The following PID1 variants were observed in gnomAD, a reference collection of about 807,000 sequenced individuals.
PID1 encodes the protein phosphotyrosine interaction domain containing 1, also known as PTB-containing, cubilin and LRP1-interacting protein.
PID1 carries 10 observed loss-of-function variants against 19.1 expected under a neutral mutation model. The ratio of observed to expected loss-of-function variants is 0.52; its 90% CI spans 0.32 to 0.89. The LOEUF (loss-of-function observed/expected upper bound fraction) is 0.89. Among genes scored for constraint, PID1 ranks in the 40% least tolerant of loss-of-function variants. The pLI, the probability that PID1 is intolerant of heterozygous loss-of-function variation, is 0.03. For synonymous variants in PID1, 130 were observed against 116.0 expected (o/e 1.12, Z -0.78); for missense variants, 248 against 285.3 (o/e 0.87, Z 0.94).
chr2:229,075,077 C>T lies in PID1; in HGVS notation c.178-48969G>A, dbSNP rs1047626795. The stretch of plus-strand genomic sequence containing the variant: ...TACCAAACATCATCACCTAGCCTAC[C>T]ATAAATGTGCTCAGAACACTTGCAT... On this transcript the variant is annotated intron_variant, in intron 2 of 2. Coordinates refer to ENST00000392055, the MANE Select transcript of PID1 (RefSeq NM_001100818.2). 3.9e-5 allele frequency among the ~76,000 whole-genome samples: 6 copies of T among 152,194 alleles called. No homozygotes were observed. In the South Asian group the frequency reaches 1.0e-3, roughly 26 times the overall value.
intron 1 of PID1, among the ~76,000 whole-genome samples, chr2:229,232,431 CAAAAAAAAAAAAAAA>C (rs386392861): frequency 7.3e-5 from 3 of 41,354 alleles, no homozygotes; most frequent in Admixed American, 4.9e-4. Flanking sequence ...GACTCCATCT[CAAAAAAAAAAAAAAA>C]AAAAAAAAAA....
chr2:229,233,490 AT>A (rs56199529), intron 1 of PID1, among the ~76,000 whole-genome samples: 19,974 of 141,338 alleles, frequency 0.14, 1,617 homozygotes, highest in Admixed American at 0.23. Flanking sequence ...AGTGTGCTAG[AT>A]TTTTTTTTTT....
At chr2:229,200,540 G>A (rs1345866627) in intron 1 of PID1, among the ~76,000 whole-genome samples, 1 of 151,868 alleles carries the variant, frequency 6.6e-6, no homozygotes, top group Admixed American at 6.6e-5. Flanking sequence ...AACTGTATCT[G>A]CCACCCCCAC....
At chr2:229,093,775 C>G (rs527485839) in intron 2 of PID1, among the ~76,000 whole-genome samples, 29 of 151,870 alleles carry the variant, frequency 1.9e-4, no homozygotes, top group African/African-American at 6.7e-4. Context: ...AAAAGAACCC[C>G]TCAACAATCT....
chr2:229,187,064 CCAA>C (rs1413332328), intron 1 of PID1, among the ~76,000 whole-genome samples: 2 of 152,188 alleles, frequency 1.3e-5, no homozygotes, highest in Non-Finnish European at 2.9e-5. Flanking sequence ...GCTCCAGTTC[CCAA>C]CAAGTTCCTC....
At chr2:229,084,582 T>A (rs1694728860) in intron 2 of PID1, among the ~76,000 whole-genome samples, 2 of 152,194 alleles carry the variant, frequency 1.3e-5, no homozygotes, top group Non-Finnish European at 2.9e-5. Flanking sequence ...GCTTCAAATA[T>A]AATTATGTTC....
At chr2:229,096,936 G>A (rs1256498843) in intron 2 of PID1, among the ~76,000 whole-genome samples, 2 of 152,050 alleles carry the variant, frequency 1.3e-5, no homozygotes, top group African/African-American at 2.4e-5. Flanking sequence ...AGAGCAAAGC[G>A]GGAACATACA....
At position 229,033,368 on chromosome 2, in the gene PID1, A is replaced by T. The variant is rs564759383; in HGVS notation, c.178-7260T>A. 2.0e-5 allele frequency among the ~76,000 whole-genome samples: 3 copies of T among 152,280 alleles called. No homozygotes were observed. The South Asian group carries it at 6.2e-4, about 32-fold the overall frequency. On this transcript the variant is annotated intron_variant, in intron 2 of 2. Coordinates refer to ENST00000392055, the MANE Select transcript of PID1 (RefSeq NM_001100818.2). ...GGCTTCTCAAGAATGACAAGCCAAG[A>T]ATAAAGACCTTCTAGAGGTCTCTCT...
intron 1 of PID1, among the ~76,000 whole-genome samples, chr2:229,239,071 G>A (rs1226095750): frequency 2.6e-5 from 4 of 151,732 alleles, no homozygotes; most frequent in Admixed American, 2.6e-4. Flanking sequence ...CCAAAAGGAT[G>A]AGAAAAAAAT....
At chr2:229,147,655 G>A (rs1398052072) in intron 2 of PID1, among the ~76,000 whole-genome samples, 1 of 151,898 alleles carries the variant, frequency 6.6e-6, no homozygotes, top group Admixed American at 6.6e-5. Flanking sequence ...ATTTTCCATA[G>A]TATTGCTGAA....
intron 2 of PID1, among the ~76,000 whole-genome samples, chr2:229,064,764 C>T (rs1402287612): frequency 1.3e-5 from 2 of 152,108 alleles, no homozygotes; most frequent in Admixed American, 6.6e-5. Context: ...AGTCATGGAA[C>T]ATGATCATAC....
chr2:229,223,930 T>G (rs1229603247), intron 1 of PID1, among the ~76,000 whole-genome samples: 2 of 152,204 alleles, frequency 1.3e-5, no homozygotes, highest in African/African-American at 4.8e-5. Flanking sequence ...CTTGATCCCC[T>G]TCCTCCCTCC....
At chr2:229,144,998 T>C (rs987892535) in intron 2 of PID1, among the ~76,000 whole-genome samples, 3 of 151,814 alleles carry the variant, frequency 2.0e-5, no homozygotes, top group African/African-American at 7.2e-5. Flanking sequence ...TATATTTTTT[T>C]CATTTAATAA....
intron 2 of PID1, among the ~76,000 whole-genome samples, chr2:229,051,556 T>C (rs1693996807): frequency 6.6e-6 from 1 of 152,146 alleles, no homozygotes; most frequent in South Asian, 2.1e-4. Flanking sequence ...CAGGCTGGTC[T>C]CGAACTCCAG....
intron 2 of PID1, among the ~76,000 whole-genome samples, chr2:229,125,239 G>A (rs781522814): frequency 6.6e-6 from 1 of 152,150 alleles, no homozygotes; most frequent in Non-Finnish European, 1.5e-5. Context: ...CTAAATGGAA[G>A]AGGCTTCATC....
Position 229,025,556 on chromosome 2 carries a change from T to G in PID1, c.*76A>C. The G allele has an allele frequency of 8.9e-7, 1 of 1,121,996 alleles. No homozygotes were observed. The highest frequency in any genetic ancestry group is 1.3e-6 in the Non-Finnish European group (1 of 768,304). 69.5% of individuals were successfully genotyped at this position (1,121,996 alleles called of 1,614,324 possible). A position where few individuals can be genotyped will look rare whatever the true frequency, so the allele number is the denominator to read the frequency against. ...GTTTGGCAGTCTTTTCATCCCAAAT[T>G]TGAAACGTTGCTTACTCATCTATTC... On this transcript the variant is annotated 3_prime_UTR_variant, in exon 3 of 3. Transcript: ENST00000392055.
intron 2 of PID1, among the ~76,000 whole-genome samples, chr2:229,146,497 T>TA (rs907239237): frequency 1.2e-4 from 18 of 151,614 alleles, no homozygotes; most frequent in South Asian, 2.1e-4. Context: ...AGTAAATTTT[T>TA]AAAAAAAAAT....
intron 2 of PID1, among the ~76,000 whole-genome samples, chr2:229,140,485 G>A (rs1208968706): frequency 3.3e-5 from 4 of 121,632 alleles, no homozygotes; most frequent in African/African-American, 1.2e-4. Context: ...AATTAAAAGA[G>A]TGCACACACA....
At chr2:229,131,746 A>G (rs1386096505) in intron 2 of PID1, among the ~76,000 whole-genome samples, 2 of 152,238 alleles carry the variant, frequency 1.3e-5, no homozygotes, top group Non-Finnish European at 2.9e-5. Flanking sequence ...TTCAGCTTGA[A>G]TAAATGATGA....
Sources: gnomAD v4.1 joint callset for allele counts (sites outside exome capture counted in the v4.1 genomes callset) on GRCh38, gnomAD v4.1.1 for gene constraint, MANE v1.5 for transcripts, NCBI Gene and HGNC (gene_info 2026-07-23, HGNC 2026-07-21) for gene names.